Variants in ABI3BP observed in about 807,000 individuals in gnomAD.
ABI3BP encodes ABI family member 3 binding protein, also known as target of Nesh-SH3.
A neutral mutation model predicts 268.6 loss-of-function variants in ABI3BP; 216 were observed. The observed-to-expected ratio is 0.80, with a 90% CI of 0.72 to 0.90. The LOEUF (loss-of-function observed/expected upper bound fraction) is 0.90. Among genes scored for constraint, ABI3BP ranks in the 40% least tolerant of loss-of-function variants. The probability of loss-of-function intolerance (pLI) is 0.00; values close to 1 mark genes in which losing one functional copy is unlikely to be tolerated. For missense variants in ABI3BP, 2,090 were observed against 2,182.4 expected (o/e 0.96, Z 0.84); for synonymous variants, 730 against 730.0 (o/e 1.00, Z 0.00).
intron 1 of ABI3BP, among the ~76,000 whole-genome samples, chr3:100,928,535 A>G (rs1288030711): frequency 6.6e-6 from 1 of 152,124 alleles, no homozygotes; most frequent in African/African-American, 2.4e-5. Context: ...GGGATTATTC[A>G]TACCTCAGCA....
At chr3:100,905,753 C>T (rs972121247) in intron 2 of ABI3BP, among the ~76,000 whole-genome samples, 4 of 152,004 alleles carry the variant, frequency 2.6e-5, no homozygotes, top group African/African-American at 4.8e-5. Context: ...AAGGCCCTTA[C>T]GTTTGCATTT....
intron 9 of ABI3BP, among the ~76,000 whole-genome samples, chr3:100,867,424 G>A (rs1461668335): frequency 6.6e-6 from 1 of 151,726 alleles, no homozygotes; most frequent in Non-Finnish European, 1.5e-5. Flanking sequence ...GGTGGATCAC[G>A]AGGTCAGGAG....
chr3:100,830,157 ATATAT>A (rs2098466587), intron 32 of ABI3BP, among the ~76,000 whole-genome samples: 2 of 121,096 alleles, frequency 1.7e-5, no homozygotes, highest in Non-Finnish European at 3.4e-5. Flanking sequence ...ATATATATAT[ATATAT>A]ATAAAATGCA....
chr3:100,817,123 G>A lies in ABI3BP; in HGVS notation c.3148+313C>T, dbSNP rs192692557. ...CAGTTTAGATATGATATAGCCACCA[G>A]CAACTGTGTTTGAAATTTAGCTTCA... is the stretch of plus-strand genomic sequence containing the variant. On this transcript the variant is annotated intron_variant, in intron 42 of 67. Coordinates refer to ENST00000471714, the MANE Select transcript of ABI3BP (RefSeq NM_001375547.2). 7.7e-4 allele frequency among the ~76,000 whole-genome samples: 118 copies of A among 152,284 alleles called. 1 individual carries two copies. The highest frequency in any genetic ancestry group is 1.7e-3 in the Admixed American group (26 of 15,280).
intron 17 of ABI3BP, among the ~76,000 whole-genome samples, chr3:100,849,684 C>T (rs1413872685): frequency 1.3e-5 from 2 of 152,212 alleles, no homozygotes; most frequent in Non-Finnish European, 2.9e-5. Context: ...GCTCTCTATA[C>T]TTAGACTACT....
intron 38 of ABI3BP, 52 bp downstream of exon 38, chr3:100,822,537 C>T (rs932092772): frequency 6.7e-7 from 1 of 1,486,306 alleles, no homozygotes; most frequent in Non-Finnish European, 9.1e-7. Flanking sequence ...ACTCTTGAGA[C>T]CCTACTGGCT....
At chr3:100,916,045 G>A (rs957812370) in intron 2 of ABI3BP, among the ~76,000 whole-genome samples, 5 of 152,074 alleles carry the variant, frequency 3.3e-5, no homozygotes, top group East Asian at 1.9e-4. Context: ...TTCCTTGCCC[G>A]TGTTTTATAT....
At position 100,750,156 on chromosome 3, in the gene ABI3BP, C is replaced by CTTTT. The variant is rs939873746; in HGVS notation, c.*335_*338dup. ...TAAATTTTTTTTAAAAAGTATATAC[C>CTTTT]TTTTTGATGTTAATTTTGTTATAAA... On this transcript the variant is annotated 3_prime_UTR_variant, in exon 68 of 68. Transcript: ENST00000471714. The CTTTT allele has an allele frequency of 4.6e-6, 1 of 217,648 alleles. No homozygotes were observed. The highest frequency in any genetic ancestry group is 8.9e-6 in the Non-Finnish European group (1 of 112,206). 13.5% of individuals were successfully genotyped at this position (217,648 alleles called of 1,614,324 possible). A position where few individuals can be genotyped will look rare whatever the true frequency, so the allele number is the denominator to read the frequency against.
chr3:100,912,545 G>C (rs1285498616), intron 2 of ABI3BP, among the ~76,000 whole-genome samples: 1 of 151,806 alleles, frequency 6.6e-6, no homozygotes, highest in African/African-American at 2.4e-5. Context: ...ATCACCCACA[G>C]AATTAAAAAA....
At chr3:100,816,372 T>C in intron 43 of ABI3BP, 2 of 492,512 alleles carry the variant, frequency 4.1e-6, no homozygotes, top group South Asian at 4.9e-5. Context: ...AACAAATGGA[T>C]CACATGTTTC....
intron 1 of ABI3BP, 81 bp downstream of exon 1, chr3:100,993,225 G>A: frequency 2.0e-6 from 2 of 1,020,016 alleles, no homozygotes; most frequent in Non-Finnish European, 2.9e-6. Context: ...GTATGGTAAA[G>A]CAGATCATAT....
chr3:100,756,792 T>C (rs2095643574), intron 63 of ABI3BP, among the ~76,000 whole-genome samples: 1 of 150,956 alleles, frequency 6.6e-6, no homozygotes, highest in Non-Finnish European at 1.5e-5. Context: ...TTTTTTTTTT[T>C]TGGCCAATAT....
intron 42 of ABI3BP, among the ~76,000 whole-genome samples, chr3:100,817,076 A>G (rs1166682055): frequency 6.6e-6 from 1 of 152,198 alleles, no homozygotes; most frequent in African/African-American, 2.4e-5. Context: ...CCATGATACC[A>G]TAAGAACTGT....
At chr3:100,932,431 T>A (rs2063959269) in intron 1 of ABI3BP, among the ~76,000 whole-genome samples, 1 of 152,072 alleles carries the variant, frequency 6.6e-6, no homozygotes, top group South Asian at 2.1e-4. Flanking sequence ...AGAAAATATT[T>A]GCAAACTACT....
At chr3:100,857,738 C>T (rs2098955700) in intron 14 of ABI3BP, among the ~76,000 whole-genome samples, 1 of 152,118 alleles carries the variant, frequency 6.6e-6, no homozygotes, top group Admixed American at 6.5e-5. Context: ...CCTAATTTTT[C>T]CCCCCTCTAA....
At chr3:100,940,755 T>A (rs1289901928) in intron 1 of ABI3BP, among the ~76,000 whole-genome samples, 1 of 114,854 alleles carries the variant, frequency 8.7e-6, no homozygotes, top group East Asian at 2.8e-4. Context: ...TTGGACATGG[T>A]AATCCCTCAT....
At chr3:100,888,862 T>G (rs1043546726) in intron 4 of ABI3BP, among the ~76,000 whole-genome samples, 1 of 150,434 alleles carries the variant, frequency 6.6e-6, no homozygotes, top group Non-Finnish European at 1.5e-5. Context: ...TAACTATACT[T>G]AAAGTGGTGA....
chr3:100,851,726 G>T, intron 15 of ABI3BP, 149 bp downstream of exon 15: 1 of 632,206 alleles, frequency 1.6e-6, no homozygotes, highest in South Asian at 2.1e-5. Flanking sequence ...GGGAGGAGTG[G>T]GTAAAACACA....
chr3:100,901,619 A>G (rs2050383899), intron 3 of ABI3BP, among the ~76,000 whole-genome samples: 1 of 151,984 alleles, frequency 6.6e-6, no homozygotes, highest in Non-Finnish European at 1.5e-5. Flanking sequence ...ACAAAAAATT[A>G]GCCGGGCCTG....
Sources: gnomAD v4.1 joint callset for allele counts (sites outside exome capture counted in the v4.1 genomes callset) on GRCh38, gnomAD v4.1.1 for gene constraint, MANE v1.5 for transcripts, NCBI Gene and HGNC (gene_info 2026-07-23, HGNC 2026-07-21) for gene names.